Variants in KCNH1 observed in about 807,000 individuals in gnomAD.
KCNH1 encodes voltage-gated delayed rectifier potassium channel KCNH1.
In KCNH1, 27 loss-of-function variants were observed where a neutral mutation model predicts 69.2. That is an observed-to-expected ratio of 0.39 (90% CI 0.29 to 0.54). KCNH1 has a LOEUF of 0.54. Among genes scored for constraint, KCNH1 ranks in the 20% least tolerant of loss-of-function variants. KCNH1 has a pLI of 0.68. For missense variants in KCNH1, 798 were observed against 1,261.6 expected (o/e 0.63, Z 5.57); for synonymous variants, 456 against 487.7 (o/e 0.93, Z 0.86).
intron 8 of KCNH1, among the ~76,000 whole-genome samples, chr1:210,799,730 T>C (rs575093522): frequency 1.2e-4 from 18 of 152,342 alleles, no homozygotes; most frequent in African/African-American, 4.1e-4. Flanking sequence ...TTCTGGGTAC[T>C]TTCCCACCTC....
intron 5 of KCNH1, among the ~76,000 whole-genome samples, chr1:211,081,742 C>T (rs754935197): frequency 1.1e-4 from 16 of 152,170 alleles, no homozygotes; most frequent in Non-Finnish European, 1.9e-4. Context: ...ACCACATGTT[C>T]TCACTCATAG....
Position 211,009,046 on chromosome 1 carries a change from T to C in KCNH1, c.1032+9737A>G, listed in dbSNP as rs189171957. On this transcript the variant is annotated intron_variant, in intron 6 of 10. Coordinates refer to ENST00000271751, the MANE Select transcript of KCNH1 (RefSeq NM_172362.3). ...TATTCCAGGCAGAGGGAACAGCAAG[T>C]ACCCCAAGGCCAGCAAGAGGCCATG... 2.9e-3 allele frequency among the ~76,000 whole-genome samples: 446 copies of C among 152,246 alleles called. 2 individuals carry two copies. Among genetic ancestry groups the C allele is most frequent in the Non-Finnish European group, 5.3e-3 (360 of 68,018 alleles).
At chr1:211,004,049 G>A (rs747065592) in intron 6 of KCNH1, among the ~76,000 whole-genome samples, 5 of 152,032 alleles carry the variant, frequency 3.3e-5, no homozygotes, top group Admixed American at 6.6e-5. Flanking sequence ...AGCCTAGATC[G>A]GGCCACTGCA....
intron 1 of KCNH1, among the ~76,000 whole-genome samples, chr1:211,107,686 CT>C (rs1207711955): frequency 5.9e-5 from 9 of 152,250 alleles, no homozygotes; most frequent in African/African-American, 2.2e-4. Context: ...TATTTAAGTC[CT>C]AATTTTTCAT....
At chr1:210,806,018 A>G (rs987462350) in intron 7 of KCNH1, among the ~76,000 whole-genome samples, 1 of 152,206 alleles carries the variant, frequency 6.6e-6, no homozygotes, top group African/African-American at 2.4e-5. Flanking sequence ...CTTTTTGGCT[A>G]TTACAAACAT....
At chr1:210,870,270 C>T (rs1686210709) in intron 7 of KCNH1, among the ~76,000 whole-genome samples, 1 of 152,102 alleles carries the variant, frequency 6.6e-6, no homozygotes, top group Non-Finnish European at 1.5e-5. Context: ...TATGTTAATA[C>T]AGTGAAAAAA....
intron 3 of KCNH1, among the ~76,000 whole-genome samples, chr1:211,096,850 A>G (rs1030351763): frequency 6.6e-6 from 1 of 152,352 alleles, no homozygotes; most frequent in East Asian, 1.9e-4. Flanking sequence ...AATAACAGGG[A>G]CTACCTACTA....
At chr1:210,973,394 T>A (rs1688548582) in intron 6 of KCNH1, among the ~76,000 whole-genome samples, 1 of 152,158 alleles carries the variant, frequency 6.6e-6, no homozygotes, top group Admixed American at 6.6e-5. Flanking sequence ...ACAAAGACTC[T>A]TTCTCTCAAT....
rs11445997 is a variant in KCNH1 at position 210,853,946 on chromosome 1, C to CAAAAAAA, written c.1463-49787_1463-49781dup. Among the ~76,000 whole-genome samples the CAAAAAAA allele has an allele frequency of 9.3e-3, 572 of 61,434 alleles. 31 individuals are homozygous for CAAAAAAA. Among genetic ancestry groups the CAAAAAAA allele is most frequent in the African/African-American group, 0.026 (348 of 13,424 alleles). 40.3% of individuals were successfully genotyped at this position (61,434 alleles called of 152,430 possible). On this transcript the variant is annotated intron_variant, in intron 7 of 10. Coordinates refer to ENST00000271751, the MANE Select transcript of KCNH1 (RefSeq NM_172362.3). ...TAGCAGTAAAAGCATTTATCTAAGCCAAAAAAAAAAAAAAAAAAAAAAGAA... is the reference window on the plus strand; with the variant it reads ...TAGCAGTAAAAGCATTTATCTAAGCCAAAAAAAAAAAAAAAAAAAAAAAAAAAAAGAA...
chr1:210,726,138 C>A (rs1314608783), intron 10 of KCNH1, among the ~76,000 whole-genome samples: 1 of 152,044 alleles, frequency 6.6e-6, no homozygotes, highest in Non-Finnish European at 1.5e-5. Context: ...CATTTCAATG[C>A]AAAAGGAGGT....
intron 7 of KCNH1, among the ~76,000 whole-genome samples, chr1:210,819,902 G>A (rs1684893843): frequency 6.6e-6 from 1 of 152,206 alleles, no homozygotes; most frequent in African/African-American, 2.4e-5. Context: ...TGCTCTGGGC[G>A]AAGCCAGTGG....
chr1:211,081,532 G>A (rs115436649), intron 5 of KCNH1, among the ~76,000 whole-genome samples: 1,713 of 152,186 alleles, frequency 0.011, 42 homozygotes, highest in African/African-American at 0.039. Flanking sequence ...CATTTATTAC[G>A]GCACTATTCA....
intron 6 of KCNH1, among the ~76,000 whole-genome samples, chr1:211,007,957 T>TA (rs1689316231): frequency 6.6e-6 from 1 of 152,128 alleles, no homozygotes; most frequent in Non-Finnish European, 1.5e-5. Context: ...GGTGGGAATG[T>TA]AAAATGGTAA....
chr1:211,076,920 C>A (rs1412771967), intron 5 of KCNH1, among the ~76,000 whole-genome samples: 3 of 152,134 alleles, frequency 2.0e-5, no homozygotes, highest in African/African-American at 4.8e-5. Context: ...CTTAAATGAC[C>A]TGATGGAGCT....
At chr1:210,701,562 T>A (rs911584181) in intron 10 of KCNH1, among the ~76,000 whole-genome samples, 3 of 152,210 alleles carry the variant, frequency 2.0e-5, no homozygotes, top group Non-Finnish European at 4.4e-5. Context: ...TAGCAATGCT[T>A]GGACAAGCCT....
intron 6 of KCNH1, among the ~76,000 whole-genome samples, chr1:210,947,297 C>T (rs1004401988): frequency 5.3e-5 from 8 of 152,040 alleles, no homozygotes; most frequent in African/African-American, 1.2e-4. Flanking sequence ...TGGCCAGGCG[C>T]GGTGGCTCAT....
chr1:210,761,607 T>C (rs1359337183), intron 10 of KCNH1, among the ~76,000 whole-genome samples: 1 of 152,080 alleles, frequency 6.6e-6, no homozygotes, highest in Non-Finnish European at 1.5e-5. Flanking sequence ...TTATATCACA[T>C]AAAATAGGCT....
At position 210,850,540 on chromosome 1, in the gene KCNH1, T is replaced by C. The variant is rs1408381875; in HGVS notation, c.1463-46374A>G. On this transcript the variant is annotated intron_variant, in intron 7 of 10. Transcript: ENST00000271751. The stretch of plus-strand genomic sequence containing the variant: ...AGAAAAAATGTTTTTTAAAAAAGCA[T>C]TTGGATCTGTGTTAAATGCAGAACC... 3.9e-5 allele frequency among the ~76,000 whole-genome samples: 6 copies of C among 152,026 alleles called. No homozygotes were observed. The South Asian group carries it at 6.2e-4, about 16-fold the overall frequency.
intron 10 of KCNH1, among the ~76,000 whole-genome samples, chr1:210,758,471 C>T (rs897124198): frequency 8.5e-5 from 13 of 152,310 alleles, no homozygotes; most frequent in Middle Eastern, 3.4e-3. Flanking sequence ...GATGCCCCAG[C>T]CTGCTCCCTT....
Sources: gnomAD v4.1 joint callset for allele counts (sites outside exome capture counted in the v4.1 genomes callset) on GRCh38, gnomAD v4.1.1 for gene constraint, MANE v1.5 for transcripts, NCBI Gene and HGNC (gene_info 2026-07-23, HGNC 2026-07-21) for gene names.